TNC: variants seen among roughly 807,000 people sequenced by gnomAD.
TNC encodes the protein tenascin C, also known as tenascin.
TNC carries 109 observed loss-of-function variants against 202.4 expected under a neutral mutation model. That is an observed-to-expected ratio of 0.54 (90% CI 0.46 to 0.63). The LOEUF is 0.63. TNC is among the 30% of genes least tolerant of loss of function. The probability of loss-of-function intolerance (pLI) is 0.00; values close to 1 mark genes in which losing one functional copy is unlikely to be tolerated. For missense variants in TNC, 2,756 were observed against 2,833.3 expected, an observed-to-expected ratio of 0.97 and a Z score of 0.62; for synonymous variants, 1,007 against 1,089.7, an observed-to-expected ratio of 0.92 and a Z score of 1.50.
chr9:115,043,507 T>C (rs1043576241), intron 17 of TNC, among the ~76,000 whole-genome samples: 1 of 152,060 alleles, frequency 6.6e-6, no homozygotes, highest in African/African-American at 2.4e-5. Context: ...TGAACCTCAG[T>C]TTCTCCATCT....
At chr9:115,111,491 C>A (rs536838217) in intron 1 of TNC, among the ~76,000 whole-genome samples, 9 of 142,448 alleles carry the variant, frequency 6.3e-5, no homozygotes, top group Non-Finnish European at 1.1e-4. Flanking sequence ...TCACTGCAAC[C>A]TACGACTCCC....
intron 14 of TNC, among the ~76,000 whole-genome samples, chr9:115,059,467 A>G (rs2236409): frequency 6.6e-6 from 1 of 152,158 alleles, no homozygotes; most frequent in African/African-American, 2.4e-5. Context: ...CATTCAAAAA[A>G]GATGTAGAAT....
At chr9:115,114,581 A>G (rs1837318135) in intron 1 of TNC, among the ~76,000 whole-genome samples, 1 of 152,210 alleles carries the variant, frequency 6.6e-6, no homozygotes, top group South Asian at 2.1e-4. Context: ...GAAAAATGAT[A>G]CATGCAGGGC....
intron 1 of TNC, among the ~76,000 whole-genome samples, chr9:115,098,810 G>C (rs1029691838): frequency 2.0e-5 from 3 of 152,110 alleles, no homozygotes; most frequent in Non-Finnish European, 4.4e-5. Context: ...GTCAAGCATA[G>C]AGTTGCTTAC....
chr9:115,114,887 G>A (rs1837344031), intron 1 of TNC: 1 of 152,202 alleles, frequency 6.6e-6, no homozygotes, highest in African/African-American at 2.4e-5. Flanking sequence ...AGAATGAGAT[G>A]AGAAACCATT....
chr9:115,032,131 T>G (rs548441916), intron 22 of TNC, among the ~76,000 whole-genome samples: 1 of 152,280 alleles, frequency 6.6e-6, no homozygotes, highest in African/African-American at 2.4e-5. Flanking sequence ...GGTTTTTTTT[T>G]GGATGAGATT....
At chr9:115,035,151 G>T in intron 22 of TNC, 53 bp downstream of exon 22, 1 of 1,527,286 alleles carries the variant, frequency 6.5e-7, no homozygotes, top group South Asian at 1.3e-5. Flanking sequence ...ATACTTTGAA[G>T]ATCATGCAAA....
intron 1 of TNC, among the ~76,000 whole-genome samples, chr9:115,098,420 G>T (rs1191072449): frequency 6.6e-6 from 1 of 152,104 alleles, no homozygotes; most frequent in Non-Finnish European, 1.5e-5. Flanking sequence ...CAGGGAATAG[G>T]CTAACAGTTA....
intron 10 of TNC, among the ~76,000 whole-genome samples, chr9:115,070,408 C>T (rs1405388043): frequency 6.6e-6 from 1 of 152,164 alleles, no homozygotes; most frequent in Non-Finnish European, 1.5e-5. Context: ...AGTGTGAAGG[C>T]CCAAGAGGCC....
chr9:115,109,084 A>C (rs974869920), intron 1 of TNC, among the ~76,000 whole-genome samples: 2 of 152,328 alleles, frequency 1.3e-5, no homozygotes, highest in Admixed American at 1.3e-4. Context: ...CAAGAACAGA[A>C]GAGTACCAAG....
In TNC at chr9:115,040,961, A is replaced by T; in HGVS notation, c.5372T>A (p.Val1791Asp). Residue 1791 changes from valine to aspartate, a missense_variant, in exon 19 of 28, where the codon GTC (valine) becomes GAC (aspartate). Val to Asp is a radical substitution (Grantham distance 152). Coordinates refer to ENST00000350763, the MANE Select transcript of TNC (RefSeq NM_002160.4). ...CTCACCTGTGGTGAATGACCCTGAG[A>T]CAGGTTCACTTTCCTCAAAGCCCTT... is the stretch of plus-strand genomic sequence containing the variant. ...AMKGFEESEP[V>D]SGSFTTALDG... The T allele has an allele frequency of 6.2e-7, 1 of 1,613,888 alleles. No homozygotes were observed. Among genetic ancestry groups the T allele is most frequent in the South Asian group, 1.1e-5 (1 of 91,048 alleles).
Position 115,103,227 on chromosome 9 carries a change from T to C in TNC, c.-136-12073A>G, listed in dbSNP as rs144708435. Among the ~76,000 whole-genome samples the C allele has an allele frequency of 6.0e-3, 919 of 152,338 alleles. 10 individuals carry two copies. Among genetic ancestry groups the C allele is most frequent in the African/African-American group, 0.021 (881 of 41,580 alleles). ...TCTACTTTGAGACAAGATTTCTCTA[T>C]GATCAAGTAAACTCCTTTGGCAGAA... On this transcript the variant is annotated intron_variant, in intron 1 of 27. Transcript: ENST00000350763.
chr9:115,054,258 G>A (rs763535667), intron 15 of TNC, among the ~76,000 whole-genome samples: 4 of 152,220 alleles, frequency 2.6e-5, no homozygotes, highest in South Asian at 2.1e-4. Flanking sequence ...AGCATAATTC[G>A]ATGTCATAAA....
At chr9:115,057,771 C>T (rs1479224031) in intron 14 of TNC, among the ~76,000 whole-genome samples, 1 of 152,218 alleles carries the variant, frequency 6.6e-6, no homozygotes, top group African/African-American at 2.4e-5. Flanking sequence ...GGTTGCTGGC[C>T]ACTGGTCAAA....
At chr9:115,073,185 A>T (rs535281976) in intron 10 of TNC, among the ~76,000 whole-genome samples, 2 of 152,378 alleles carry the variant, frequency 1.3e-5, no homozygotes, top group South Asian at 4.1e-4. Context: ...CAACAAAAAA[A>T]ATATTATTAC....
chr9:115,066,206 G>A (rs1488859723), intron 10 of TNC, among the ~76,000 whole-genome samples: 3 of 152,140 alleles, frequency 2.0e-5, no homozygotes, highest in Admixed American at 2.0e-4. Context: ...GCGAATGCAC[G>A]AAATTCCGTA....
chr9:115,089,813 C>T (rs1835079790), intron 2 of TNC, among the ~76,000 whole-genome samples: 2 of 152,188 alleles, frequency 1.3e-5, no homozygotes. Flanking sequence ...GACCCTATCT[C>T]TTATTGCTCT....
rs772300237 is a variant in TNC at position 115,064,931 on chromosome 9, C to G, written c.3215-12G>C. On this transcript the variant is annotated splice_polypyrimidine_tract_variant and intron_variant, in intron 10 of 27. Transcript: ENST00000350763. ...CTCAGGGGCTTGTTCTGAATAATGA[C>G]AGAGATGGGGTCAGTTAAACTATTC... 1.3e-5 allele frequency: 21 copies of G among 1,609,160 alleles called. No individual in the cohort carries two copies. In the Middle Eastern group the frequency reaches 8.2e-4, roughly 63 times the overall value.
At chr9:115,111,715 CTCTT>C (rs1209397811) in intron 1 of TNC, among the ~76,000 whole-genome samples, 2 of 152,076 alleles carry the variant, frequency 1.3e-5, no homozygotes. Flanking sequence ...CCCGGTAACT[CTCTT>C]TCTCATTGGC....
Sources: allele counts gnomAD v4.1 joint callset (sites outside exome capture counted in the v4.1 genomes callset), GRCh38; gene constraint gnomAD v4.1.1; transcripts MANE v1.5; gene names NCBI Gene and HGNC (gene_info 2026-07-23, HGNC 2026-07-21).